The following TIAM2 variants were observed in gnomAD, a reference collection of about 807,000 sequenced individuals.
The protein encoded by TIAM2 is rho guanine nucleotide exchange factor TIAM2.
TIAM2 carries 80 observed loss-of-function variants against 152.9 expected under a neutral mutation model. The ratio of observed to expected loss-of-function variants is 0.52; its 90% CI spans 0.44 to 0.63. The LOEUF (loss-of-function observed/expected upper bound fraction) is 0.63. Ranked by LOEUF, TIAM2 falls within the 30% of genes least tolerant of loss-of-function variation. The probability of loss-of-function intolerance (pLI) is 0.00; values close to 1 mark genes in which losing one functional copy is unlikely to be tolerated. For synonymous variants in TIAM2, 804 were observed against 838.0 expected, an observed-to-expected ratio of 0.96 and a Z score of 0.70; for missense variants, 1,965 against 2,120.1, an observed-to-expected ratio of 0.93 and a Z score of 1.44.
intron 16 of TIAM2, among the ~76,000 whole-genome samples, chr6:155,241,069 A>C (rs1783009066): frequency 6.6e-6 from 1 of 152,186 alleles, no homozygotes; most frequent in South Asian, 2.1e-4. Flanking sequence ...CAATCTGTAC[A>C]TACGTGACGG....
chr6:155,011,291 A>T (rs1328045538), intron 1 of TIAM2, among the ~76,000 whole-genome samples: 1 of 152,126 alleles, frequency 6.6e-6, no homozygotes, highest in African/African-American at 2.4e-5. Flanking sequence ...ACAGGCGATC[A>T]TTTAATCTGT....
intron 7 of TIAM2, among the ~76,000 whole-genome samples, chr6:155,158,182 T>C (rs779654709): frequency 6.6e-6 from 1 of 152,086 alleles, no homozygotes; most frequent in Non-Finnish European, 1.5e-5. Context: ...TGGCAGAAAA[T>C]ATTTTTCTAG....
At chr6:155,120,289 C>T (rs73573802) in intron 2 of TIAM2, among the ~76,000 whole-genome samples, 3,774 of 152,292 alleles carry the variant, frequency 0.025, 65 homozygotes, top group African/African-American at 0.046. Context: ...AATTCAAAGA[C>T]GACCAGTGAG....
chr6:155,046,276 C>A (rs75243718), intron 1 of TIAM2, among the ~76,000 whole-genome samples: 1,802 of 149,862 alleles, frequency 0.012, 36 homozygotes, highest in African/African-American at 0.042. Context: ...TTAAGGTAAT[C>A]ATTTTCCTTG....
At chr6:155,014,377 C>G (rs2114852013) in intron 1 of TIAM2, among the ~76,000 whole-genome samples, 1 of 152,220 alleles carries the variant, frequency 6.6e-6, no homozygotes, top group South Asian at 2.1e-4. Flanking sequence ...GTTTCTTTCT[C>G]AAATTACTAC....
intron 14 of TIAM2, among the ~76,000 whole-genome samples, chr6:155,197,832 G>A (rs548256210): frequency 6.6e-6 from 1 of 152,226 alleles, no homozygotes; most frequent in East Asian, 1.9e-4. Context: ...ACCTCCCACC[G>A]GGTCCCTCCC....
intron 14 of TIAM2, among the ~76,000 whole-genome samples, chr6:155,187,573 C>CCTTTTTTTTTTTTT (rs1189509294): frequency 2.0e-4 from 10 of 49,612 alleles, no homozygotes; most frequent in African/African-American, 7.9e-4. Flanking sequence ...ACCCCGCCCC[C>CCTTTTTTTTTTTTT]TTTTTTTTTT....
chr6:155,005,496 T>C (rs2114841141), intron 1 of TIAM2, among the ~76,000 whole-genome samples: 1 of 151,708 alleles, frequency 6.6e-6, no homozygotes, highest in Non-Finnish European at 1.5e-5. Flanking sequence ...TGCACCACCA[T>C]GCCTGGCTAA....
At chr6:155,091,141 G>A (rs1235073934) in intron 2 of TIAM2, among the ~76,000 whole-genome samples, 1 of 152,068 alleles carries the variant, frequency 6.6e-6, no homozygotes, top group Non-Finnish European at 1.5e-5. Context: ...ATGCTTTTTG[G>A]GTTTCAGCTC....
In TIAM2 at chr6:155,110,318, C is replaced by CT. The variant is rs67332964; in HGVS notation, c.-117-17161dup. 5.8e-4 allele frequency among the ~76,000 whole-genome samples: 77 copies of CT among 133,798 alleles called. 1 individual carries two copies. Among genetic ancestry groups the CT allele is most frequent in the Middle Eastern group, 7.9e-3 (2 of 254 alleles). 87.8% of individuals were successfully genotyped at this position (133,798 alleles called of 152,430 possible). A position where few individuals can be genotyped will look rare whatever the true frequency, so the allele number is the denominator to read the frequency against. Reference sequence around the variant, plus strand: ...TCCTTCTTCCTTTCCTCTTTCTTTTCTTTTTTTTTTTGTTGTTCTTTCTTT... The same window carrying CT: ...TCCTTCTTCCTTTCCTCTTTCTTTTCTTTTTTTTTTTTGTTGTTCTTTCTTT... On this transcript the variant is annotated intron_variant, in intron 2 of 26. Transcript: ENST00000682666.
intron 1 of TIAM2, among the ~76,000 whole-genome samples, chr6:155,056,313 C>A (rs569610847): frequency 1.3e-5 from 2 of 151,012 alleles, no homozygotes; most frequent in East Asian, 1.9e-4. Context: ...CTGGGACTGT[C>A]GGCGCCTACC....
chr6:155,147,871 G>A (rs1050162650), intron 6 of TIAM2, among the ~76,000 whole-genome samples: 1 of 152,162 alleles, frequency 6.6e-6, no homozygotes, highest in African/African-American at 2.4e-5. Context: ...GCTAGCACTC[G>A]TTTCTGGTTT....
At chr6:155,089,902 TTGCTCTGTC>T in intron 1 of TIAM2, among the ~76,000 whole-genome samples, 2 of 150,014 alleles carry the variant, frequency 1.3e-5, no homozygotes, top group African/African-American at 4.8e-5. Flanking sequence ...CACAGTAGGC[TTGCTCTGTC>T]TGTCAATCAT....
rs1208617637 is a variant in TIAM2, at chr6:155,165,317, C to T, written c.2269C>T (p.Arg757Ter). Residue 757 changes from arginine to a stop codon, truncating the protein, a stop_gained, in exon 9 of 27, where the codon CGA becomes TGA. Coordinates refer to ENST00000682666, the MANE Select transcript of TIAM2 (RefSeq NM_012454.4). LOFTEE classifies it high-confidence loss of function. ...LRKRTLSLTQ[R>*]GRNKKGIFSS... is the part of the protein sequence containing the mutation. ...GAAAAGGACACTGTCACTGACCCAG[C>T]GAGGGAGAAACAAGAAGGGAATATT... 6.2e-7 allele frequency: 1 copy of T among 1,613,888 alleles called. No homozygotes were observed. Among genetic ancestry groups the T allele is most frequent in the Non-Finnish European group, 8.5e-7 (1 of 1,179,962 alleles).
At chr6:155,016,576 T>C (rs1778591570) in intron 1 of TIAM2, among the ~76,000 whole-genome samples, 2 of 151,828 alleles carry the variant, frequency 1.3e-5, no homozygotes, top group African/African-American at 2.4e-5. Flanking sequence ...ATTTAAATGG[T>C]ATTTACATTT....
At chr6:155,211,401 T>C (rs1781714647) in intron 15 of TIAM2, 94 bp downstream of exon 15, 4 of 886,228 alleles carry the variant, frequency 4.5e-6, no homozygotes, top group Non-Finnish European at 7.2e-6. Flanking sequence ...TGGAGTTACC[T>C]ATCTCTAGGT....
chr6:155,102,662 A>G (rs186408452), intron 2 of TIAM2, among the ~76,000 whole-genome samples: 67 of 152,294 alleles, frequency 4.4e-4, no homozygotes, highest in Middle Eastern at 3.4e-3. Flanking sequence ...GTGCACATGC[A>G]GTCTAGGATA....
At chr6:155,086,297 C>A (rs1778169418) in intron 1 of TIAM2, among the ~76,000 whole-genome samples, 1 of 152,232 alleles carries the variant, frequency 6.6e-6, no homozygotes, top group Admixed American at 6.5e-5. Context: ...CATGAGAGGT[C>A]TACTTGATCT....
At chr6:155,249,747 G>C in intron 20 of TIAM2, 104 bp from the exon 21 acceptor site, 1 of 911,060 alleles carries the variant, frequency 1.1e-6, no homozygotes, top group South Asian at 1.7e-5. Context: ...AGTGGGTACT[G>C]GTCTGGAATC....
Sources: allele counts gnomAD v4.1 joint callset (sites outside exome capture counted in the v4.1 genomes callset), GRCh38; gene constraint gnomAD v4.1.1; transcripts MANE v1.5; gene names NCBI Gene and HGNC (gene_info 2026-07-23, HGNC 2026-07-21).